The following UST variants were observed in gnomAD, a reference collection of about 807,000 sequenced individuals.
UST encodes the protein uronyl 2-sulfotransferase, also known as chondroitin sulfate 2-O-sulfotransferase.
Under a neutral mutation model 45.6 loss-of-function variants are expected in UST, and 21 were observed. The ratio of observed to expected loss-of-function variants is 0.46; its 90% confidence interval spans 0.33 to 0.66. The LOEUF is 0.66. UST is among the 30% of genes least tolerant of loss of function. UST has a pLI of 0.02. For missense variants in UST, 463 were observed against 512.4 expected (o/e 0.90, Z 0.93); for synonymous variants, 215 against 200.6 (o/e 1.07, Z -0.61).
At chr6:149,068,008 TGG>T (rs1776766630) in intron 7 of UST, among the ~76,000 whole-genome samples, 1 of 152,188 alleles carries the variant, frequency 6.6e-6, no homozygotes, top group East Asian at 1.9e-4. Context: ...CTCTGAGTAT[TGG>T]ACCCAGAGAT....
rs372696416 is a variant in UST at position 148,802,190 on chromosome 6, G to A, written c.247+54513G>A. Among the ~76,000 whole-genome samples the A allele has an allele frequency of 7.2e-5, 11 of 152,282 alleles. No individual in the cohort carries two copies. The East Asian group carries it at 1.5e-3, about 21-fold the overall frequency. On this transcript the variant is annotated intron_variant, in intron 1 of 7. Coordinates refer to ENST00000367463, the MANE Select transcript of UST (RefSeq NM_005715.3). ...AAGGCTCATAGCTGCTGCTTCTCTG[G>A]AGAACTGCATCCAAATCCCTATCCC...
At chr6:148,951,118 C>G (rs1434320103) in intron 3 of UST, among the ~76,000 whole-genome samples, 1 of 152,198 alleles carries the variant, frequency 6.6e-6, no homozygotes, top group Non-Finnish European at 1.5e-5. Flanking sequence ...AAGGAGGGCT[C>G]TCATTTGGCT....
chr6:148,772,510 C>A (rs1248630466), intron 1 of UST, among the ~76,000 whole-genome samples: 2 of 151,828 alleles, frequency 1.3e-5, no homozygotes, highest in East Asian at 3.9e-4. Context: ...GCAACCTCTG[C>A]CTCCTGGGTT....
At chr6:148,941,466 T>C (rs1780124851) in intron 3 of UST, 32 bp downstream of exon 3, 1 of 1,567,358 alleles carries the variant, frequency 6.4e-7, no homozygotes. Flanking sequence ...TTAAATTGTG[T>C]TTTGCTTCAG....
intron 5 of UST, among the ~76,000 whole-genome samples, chr6:149,015,655 G>A (rs1463417677): frequency 2.0e-5 from 3 of 152,010 alleles, no homozygotes; most frequent in African/African-American, 7.2e-5. Context: ...TCTTACCCTA[G>A]AAGCACTACA....
At chr6:149,011,511 T>TA (rs1379174340) in intron 5 of UST, among the ~76,000 whole-genome samples, 1 of 152,174 alleles carries the variant, frequency 6.6e-6, no homozygotes, top group Non-Finnish European at 1.5e-5. Context: ...TTTGAGGTGA[T>TA]AGATAACCCC....
At position 148,967,069 on chromosome 6, in the gene UST, A is replaced by G. The variant is rs967017754; in HGVS notation, c.681+2506A>G. On this transcript the variant is annotated intron_variant, in intron 5 of 7. Transcript: ENST00000367463. Reference sequence around the variant, plus strand: ...GGAGTTTTTTTAAAAAGGTCATAAAATATTGAAAGTTGGTAGTTGGGGCAA... The same window carrying G: ...GGAGTTTTTTTAAAAAGGTCATAAAGTATTGAAAGTTGGTAGTTGGGGCAA... 5.3e-5 allele frequency among the ~76,000 whole-genome samples: 8 copies of G among 152,242 alleles called. No homozygotes were observed. In the South Asian group the frequency reaches 1.7e-3, roughly 32 times the overall value.
chr6:148,762,954 A>G (rs1308624558), intron 1 of UST, among the ~76,000 whole-genome samples: 5 of 152,210 alleles, frequency 3.3e-5, no homozygotes, highest in Non-Finnish European at 5.9e-5. Context: ...GAATAGTGCT[A>G]TGATAAACAT....
At chr6:149,069,955 C>A (rs139438188) in intron 7 of UST, among the ~76,000 whole-genome samples, 1 of 152,336 alleles carries the variant, frequency 6.6e-6, no homozygotes, top group African/African-American at 2.4e-5. Flanking sequence ...ATTACTGTTT[C>A]AACCTTACGA....
intron 1 of UST, among the ~76,000 whole-genome samples, chr6:148,883,765 C>T (rs1256753054): frequency 6.6e-6 from 1 of 152,174 alleles, no homozygotes; most frequent in Non-Finnish European, 1.5e-5. Context: ...ATGAGATGGA[C>T]TTCTGCACAA....
intron 1 of UST, among the ~76,000 whole-genome samples, chr6:148,791,454 A>C (rs1217781904): frequency 6.6e-6 from 1 of 152,232 alleles, no homozygotes; most frequent in Non-Finnish European, 1.5e-5. Flanking sequence ...TGGAGTTTAC[A>C]TGTATTGGTG....
intron 1 of UST, among the ~76,000 whole-genome samples, chr6:148,832,616 A>G (rs1190938675): frequency 6.6e-6 from 1 of 152,206 alleles, no homozygotes; most frequent in Non-Finnish European, 1.5e-5. Context: ...TATAAACCTG[A>G]TGGTGATTTA....
chr6:148,824,284 T>C (rs1402185178), intron 1 of UST, among the ~76,000 whole-genome samples: 1 of 152,228 alleles, frequency 6.6e-6, no homozygotes, highest in South Asian at 2.1e-4. Context: ...GGGTGTTACC[T>C]AGCTTTGAAA....
At chr6:149,073,771 G>C (rs1039135430) in intron 7 of UST, 62 bp from the exon 8 acceptor site, 6 of 1,565,570 alleles carry the variant, frequency 3.8e-6, no homozygotes, top group Non-Finnish European at 5.2e-6. Flanking sequence ...GTGGGTCCTC[G>C]CCGGGATCCC....
intron 2 of UST, among the ~76,000 whole-genome samples, chr6:148,899,069 A>T (rs1314063471): frequency 6.7e-6 from 1 of 149,782 alleles, no homozygotes; most frequent in African/African-American, 2.5e-5. Flanking sequence ...GCAGCTCCCA[A>T]TATAGCATAT....
At chr6:148,770,870 A>G (rs1307905170) in intron 1 of UST, among the ~76,000 whole-genome samples, 2 of 152,146 alleles carry the variant, frequency 1.3e-5, no homozygotes, top group African/African-American at 4.8e-5. Context: ...TGCCACAGGG[A>G]AGCATATTTC....
intron 7 of UST, chr6:149,066,122 A>C (rs1776726933): frequency 6.6e-6 from 1 of 152,512 alleles, no homozygotes; most frequent in African/African-American, 2.4e-5. Flanking sequence ...ACACTGTTGC[A>C]GATGCAGGGG....
At chr6:148,905,857 TCTGACC>T (rs1779347133) in intron 2 of UST, among the ~76,000 whole-genome samples, 1 of 152,240 alleles carries the variant, frequency 6.6e-6, no homozygotes, top group Non-Finnish European at 1.5e-5. Context: ...GAATGTCACT[TCTGACC>T]TTATAATATT....
intron 1 of UST, among the ~76,000 whole-genome samples, chr6:148,762,533 A>ACGT (rs1406385569): frequency 6.9e-6 from 1 of 144,188 alleles, no homozygotes; most frequent in Non-Finnish European, 1.5e-5. Context: ...GCAGGCTTCT[A>ACGT]TCTTTTTTTT....
Sources: allele counts gnomAD v4.1 joint callset (sites outside exome capture counted in the v4.1 genomes callset), GRCh38; gene constraint gnomAD v4.1.1; transcripts MANE v1.5; gene names NCBI Gene and HGNC (gene_info 2026-07-23, HGNC 2026-07-21).